Variants in S100A10 observed in about 807,000 individuals in gnomAD.
S100A10 encodes S100 calcium binding protein A10.
In S100A10, 3 loss-of-function variants were observed where a neutral mutation model predicts 7.1. The ratio of observed to expected loss-of-function variants is 0.42; its 90% CI spans 0.19 to 1.10. The LOEUF is 1.10. Ranked by LOEUF, S100A10 falls within the 50% of genes least tolerant of loss-of-function variation. S100A10 has a pLI of 0.29. For missense variants in S100A10, 101 were observed against 118.1 expected (o/e 0.86, Z 0.67); for synonymous variants, 41 against 39.3 (o/e 1.04, Z -0.16).
chr1:151,986,389 C>T, intron 1 of S100A10, 138 bp from the exon 2 acceptor site: 3 of 589,912 alleles, frequency 5.1e-6, no homozygotes, highest in South Asian at 5.7e-5. Context: ...GGTATATATA[C>T]ATTGTGGGAT....
chr1:151,983,585 T>C (rs1010712466), intron 2 of S100A10, among the ~76,000 whole-genome samples: 2 of 152,156 alleles, frequency 1.3e-5, no homozygotes, highest in Non-Finnish European at 2.9e-5. Context: ...TTACATTCTC[T>C]TATTAAAATT....
At position 151,983,245 on chromosome 1, in the gene S100A10, C is replaced by T. The variant is rs1372220644; in HGVS notation, c.212G>A (p.Ser71Asn). 6.2e-7 allele frequency: 1 copy of T among 1,606,294 alleles called. No homozygotes were observed. ...QCRDGKVGFQSFFSLIAGLTI... is the reference protein window; with the variant it reads ...QCRDGKVGFQNFFSLIAGLTI... The stretch of plus-strand genomic sequence containing the variant: ...GAGGCCCGCAATTAGGGAAAAGAAG[C>T]TCTGGAAGCCCACTTTGCCATCTCT... Residue 71 changes from serine (S) to asparagine (N), a missense_variant, in exon 3 of 3, where the codon AGC becomes AAC. Coordinates refer to ENST00000368811, the MANE Select transcript of S100A10 (RefSeq NM_002966.3).
chr1:151,986,061 T>G, intron 2 of S100A10, 38 bp downstream of exon 2: 1 of 1,547,908 alleles, frequency 6.5e-7, no homozygotes. Flanking sequence ...AAGCATTGAC[T>G]TTTATGTCTG....
At position 151,986,251 on chromosome 1, in the gene S100A10, C is replaced by T. The variant is rs375840917; in HGVS notation, c.-21G>A. On this transcript the variant is annotated splice_region_variant and 5_prime_UTR_variant, in exon 2 of 3. Coordinates refer to ENST00000368811, the MANE Select transcript of S100A10 (RefSeq NM_002966.3). ...GGCATTTTGGTGTGGTCCGTTGAAG[C>T]CTATTAAAGGATGTAAAGTAACAGG... The T allele has an allele frequency of 2.5e-6, 4 of 1,583,908 alleles. No homozygotes were observed. Among genetic ancestry groups the T allele is most frequent in the East Asian group, 2.3e-5 (1 of 43,432 alleles).
At position 151,986,147 on chromosome 1, in the gene S100A10, C is replaced by T. The variant is rs751519649; in HGVS notation, c.84G>A (p.Lys28=). The change falls in exon 2 of 3, where the codon AAG becomes AAA. Residue 28 remains lysine (K), a synonymous_variant. Transcript: ENST00000368811. The part of the protein sequence containing the change: ...KFAGDKGYLT[K]EDLRVLMEKE... ...TTTCCATGAGTACTCTCAGGTCCTC[C>T]TTTGTTAAGTAGCCTTTATCCCCAG... The T allele has an allele frequency of 3.7e-6, 6 of 1,609,636 alleles. No individual in the cohort carries two copies. The highest frequency in any genetic ancestry group is 3.4e-5 in the Admixed American group (2 of 59,030).
chr1:151,989,076 C>A (rs1475662651), intron 1 of S100A10, among the ~76,000 whole-genome samples: 1 of 152,118 alleles, frequency 6.6e-6, no homozygotes, highest in African/African-American at 2.4e-5. Flanking sequence ...AAAGGGAATG[C>A]AGCAGGGTAA....
At chr1:151,985,687 T>C (rs1655775541) in intron 2 of S100A10, among the ~76,000 whole-genome samples, 1 of 152,200 alleles carries the variant, frequency 6.6e-6, no homozygotes, top group Non-Finnish European at 1.5e-5. Flanking sequence ...GACCTGAAGG[T>C]AGCCATTTTC....
chr1:151,990,541 T>C (rs572892873), intron 1 of S100A10, among the ~76,000 whole-genome samples: 1 of 152,298 alleles, frequency 6.6e-6, no homozygotes, highest in South Asian at 2.1e-4. Flanking sequence ...CTCTGCATAG[T>C]TTTCTCTATG....
intron 2 of S100A10, among the ~76,000 whole-genome samples, chr1:151,984,829 A>G (rs1341427379): frequency 6.6e-6 from 1 of 152,202 alleles, no homozygotes; most frequent in African/African-American, 2.4e-5. Context: ...CTAATTTTAC[A>G]GGGGAGGAAA....
chr1:151,986,826 A>G (rs1379234505), intron 1 of S100A10, among the ~76,000 whole-genome samples: 1 of 152,186 alleles, frequency 6.6e-6, no homozygotes, highest in Non-Finnish European at 1.5e-5. Context: ...TAGATCATCC[A>G]TCTGATCTTC....
chr1:151,989,293 T>C (rs1289889318), intron 1 of S100A10, among the ~76,000 whole-genome samples: 1 of 152,144 alleles, frequency 6.6e-6, no homozygotes, highest in Non-Finnish European at 1.5e-5. Context: ...CTTCCTTCTC[T>C]GAAGTTACAT....
chr1:151,983,534 G>A (rs1345831474), intron 2 of S100A10, among the ~76,000 whole-genome samples: 1 of 146,380 alleles, frequency 6.8e-6, no homozygotes, highest in Non-Finnish European at 1.5e-5. Context: ...TTTAGATTCT[G>A]CCTAAGAACC....
chr1:151,986,066 T>C (rs1297985901), intron 2 of S100A10, 33 bp downstream of exon 2: 2 of 1,553,004 alleles, frequency 1.3e-6, no homozygotes, highest in Middle Eastern at 1.7e-4. Context: ...TTGACTTTTA[T>C]GTCTGGTTCT....
At chr1:151,991,439 C>T (rs1311108880) in intron 1 of S100A10, among the ~76,000 whole-genome samples, 1 of 152,230 alleles carries the variant, frequency 6.6e-6, no homozygotes, top group Non-Finnish European at 1.5e-5. Context: ...TTAAAGAATG[C>T]TTAGGCATCA....
chr1:151,992,752 C>T (rs1306673135), intron 1 of S100A10, among the ~76,000 whole-genome samples: 1 of 152,208 alleles, frequency 6.6e-6, no homozygotes, highest in Non-Finnish European at 1.5e-5. Context: ...ACGGGGTGGG[C>T]TTAATGCATC....
chr1:151,988,220 T>C (rs1655837723), intron 1 of S100A10, among the ~76,000 whole-genome samples: 1 of 152,216 alleles, frequency 6.6e-6, no homozygotes, highest in African/African-American at 2.4e-5. Flanking sequence ...GAAGGAATCA[T>C]TTGGCGAGAA....
intron 1 of S100A10, among the ~76,000 whole-genome samples, chr1:151,989,449 G>A (rs1231445243): frequency 6.6e-6 from 1 of 152,194 alleles, no homozygotes; most frequent in Non-Finnish European, 1.5e-5. Flanking sequence ...GCCAGGAGGT[G>A]AAAATAGCAT....
rs1195948547 is a variant in S100A10, at chr1:151,993,828, T to A, written c.-98A>T. On this transcript the variant is annotated 5_prime_UTR_variant, in exon 1 of 3. Transcript: ENST00000368811. The surrounding 1 kb of genome is among the most constrained non-coding windows in gnomAD (Gnocchi z 5.1). ...GCGGAGAGGCGAGCGCGGCGGGCTG[T>A]GCGCCTTCCTTAGTACGTGCGGCGG... is the stretch of plus-strand genomic sequence containing the variant. 1 of 154,574 alleles carries A rather than the reference T, an allele frequency of 6.5e-6. No homozygotes were observed. Among genetic ancestry groups the A allele is most frequent in the African/African-American group, 2.4e-5 (1 of 41,458 alleles). 9.6% of individuals were successfully genotyped at this position (154,574 alleles called of 1,614,324 possible).
At chr1:151,987,906 G>A (rs908478409) in intron 1 of S100A10, among the ~76,000 whole-genome samples, 2 of 152,216 alleles carry the variant, frequency 1.3e-5, no homozygotes, top group Admixed American at 6.5e-5. Flanking sequence ...GTAAAATACA[G>A]TTGCTCTACC....
Sources: allele counts gnomAD v4.1 joint callset (sites outside exome capture counted in the v4.1 genomes callset), GRCh38; gene constraint gnomAD v4.1.1; non-coding constraint Gnocchi (gnomAD v3.1); transcripts MANE v1.5; gene names NCBI Gene and HGNC (gene_info 2026-07-23, HGNC 2026-07-21).